ACSM2B: variants seen among roughly 807,000 people sequenced by gnomAD.
ACSM2B encodes the protein acyl-CoA synthetase medium chain family member 2B.
Under a neutral mutation model 78.6 loss-of-function variants are expected in ACSM2B, and 58 were observed. The observed-to-expected ratio is 0.74, with a 90% CI of 0.60 to 0.92. ACSM2B has a LOEUF of 0.92. Among genes scored for constraint, ACSM2B ranks in the 40% least tolerant of loss-of-function variants. The pLI is 0.00. For synonymous variants in ACSM2B, 257 were observed against 256.8 expected, an observed-to-expected ratio of 1.00 and a Z score of -0.01; for missense variants, 688 against 711.2, an observed-to-expected ratio of 0.97 and a Z score of 0.37.
At chr16:20,563,359 T>G (rs1216303408) in intron 2 of ACSM2B, among the ~76,000 whole-genome samples, 1 of 152,296 alleles carries the variant, frequency 6.6e-6, no homozygotes, top group African/African-American at 2.4e-5. Flanking sequence ...ATTCTTGGTT[T>G]CTACAAGCTC....
intron 1 of ACSM2B, among the ~76,000 whole-genome samples, chr16:20,567,758 G>A (rs949207193): frequency 7.2e-6 from 1 of 138,056 alleles, no homozygotes; most frequent in African/African-American, 2.7e-5. Context: ...TAATAGTATA[G>A]TGTATATACA....
At position 20,539,041 on chromosome 16, in the gene ACSM2B, C is replaced by T. The variant is rs574290687; in HGVS notation, c.1629+1613G>A. Among the ~76,000 whole-genome samples the T allele has an allele frequency of 2.1e-3, 320 of 152,148 alleles. 2 individuals carry two copies. Among genetic ancestry groups the T allele is most frequent in the Non-Finnish European group, 3.7e-3 (249 of 67,968 alleles). ...ACATCCATACCTGATCCACCTGTGA[C>T]CGTAAAGACCCCCTTCCCTTCCTCA... On this transcript the variant is annotated intron_variant, in intron 13 of 13. Transcript: ENST00000329697.
rs114264488 is a variant in ACSM2B, at chr16:20,557,017, G to A, written c.389-1541C>T. Among the ~76,000 whole-genome samples, 963 of 152,102 alleles carry A rather than the reference G, an allele frequency of 6.3e-3. 10 individuals are homozygous for A. The highest frequency in any genetic ancestry group is 0.022 in the African/African-American group (895 of 41,466). Reference sequence around the variant, plus strand: ...TCAGCCCATTGTCCCCAGAATATGCGGCGGGTGGGAGCTTTTAGTTGGGAT... The same window carrying A: ...TCAGCCCATTGTCCCCAGAATATGCAGCGGGTGGGAGCTTTTAGTTGGGAT... On this transcript the variant is annotated intron_variant, in intron 3 of 13. Coordinates refer to ENST00000329697, the MANE Select transcript of ACSM2B (RefSeq NM_001105069.2).
intron 9 of ACSM2B, among the ~76,000 whole-genome samples, chr16:20,546,053 G>A (rs568243683): frequency 2.6e-5 from 4 of 152,014 alleles, no homozygotes; most frequent in Non-Finnish European, 5.9e-5. Flanking sequence ...TGAAAAGATC[G>A]TTACCTATAT....
rs1439018436 is a variant in ACSM2B at position 20,574,218 on chromosome 16, T to G, written c.-9+1989A>C. Reference sequence around the variant, plus strand: ...TATAGGCTTTCTGCAAGAAGAAAAATATGGCTCTATTCTGCCCGACCCCGC... The same window carrying G: ...TATAGGCTTTCTGCAAGAAGAAAAAGATGGCTCTATTCTGCCCGACCCCGC... On this transcript the variant is annotated intron_variant, in intron 1 of 13. Transcript: ENST00000329697. 5 of 152,100 alleles carry G rather than the reference T, an allele frequency of 3.3e-5. No homozygotes were observed. In the South Asian group the frequency reaches 1.0e-3, roughly 32 times the overall value. The allele number at this position is 152,100 out of a possible 1,614,324, so 9.4% of individuals were successfully genotyped here. A position where few individuals can be genotyped will look rare whatever the true frequency, so the allele number is the denominator to read the frequency against.
In ACSM2B at chr16:20,543,999, G is replaced by T. The variant is rs955512401; in HGVS notation, c.1282-737C>A. ...AGGTAGAACTGAGACCAGAAGCCAGGGTTCTTGGCTACTGGATTGACTTTC... is the reference window on the plus strand; with the variant it reads ...AGGTAGAACTGAGACCAGAAGCCAGTGTTCTTGGCTACTGGATTGACTTTC... On this transcript the variant is annotated intron_variant, in intron 10 of 13. Transcript: ENST00000329697. 5.9e-5 allele frequency among the ~76,000 whole-genome samples: 9 copies of T among 152,186 alleles called. 1 individual carries two copies. Among genetic ancestry groups the T allele is most frequent in the South Asian group, 2.1e-4 (1 of 4,834 alleles).
rs371530256 is a variant in ACSM2B, at chr16:20,538,458, C to A, written c.1630-1096G>T. Among the ~76,000 whole-genome samples the A allele has an allele frequency of 2.2e-4, 33 of 152,198 alleles. 1 individual carries two copies. In the South Asian group the frequency reaches 6.6e-3, roughly 31 times the overall value. ...GCCTACAATATTTACTATTTGGGCC[C>A]CAAAGGGTAGATAGAGAGTGGATGA... is the stretch of plus-strand genomic sequence containing the variant. On this transcript the variant is annotated intron_variant, in intron 13 of 13. Coordinates refer to ENST00000329697, the MANE Select transcript of ACSM2B (RefSeq NM_001105069.2).
At chr16:20,557,467 C>T (rs1323935663) in intron 3 of ACSM2B, among the ~76,000 whole-genome samples, 5 of 152,130 alleles carry the variant, frequency 3.3e-5, no homozygotes, top group Non-Finnish European at 7.3e-5. Context: ...CAAACTGAAG[C>T]CATCACTAAC....
chr16:20,560,548 A>T (rs1391017652), intron 2 of ACSM2B, among the ~76,000 whole-genome samples: 1 of 152,074 alleles, frequency 6.6e-6, no homozygotes, highest in African/African-American at 2.4e-5. Context: ...CACTTCCTGT[A>T]CACTGTGCAG....
intron 1 of ACSM2B, among the ~76,000 whole-genome samples, chr16:20,565,983 C>T (rs973778918): frequency 4.0e-5 from 6 of 151,008 alleles, no homozygotes; most frequent in Admixed American, 2.0e-4. Flanking sequence ...CAGGTTGCTG[C>T]GAATGCCATT....
At chr16:20,558,082 T>C (rs1466093721) in intron 3 of ACSM2B, among the ~76,000 whole-genome samples, 4 of 152,208 alleles carry the variant, frequency 2.6e-5, no homozygotes, top group South Asian at 4.1e-4. Context: ...TCAGGAGTCA[T>C]GGAGCCAGAG....
intron 6 of ACSM2B, among the ~76,000 whole-genome samples, chr16:20,551,283 A>G (rs1567209780): frequency 6.6e-6 from 1 of 152,020 alleles, no homozygotes; most frequent in South Asian, 2.1e-4. Flanking sequence ...TCTGATATGA[A>G]TTGGATGTTG....
rs750164112 is a variant in ACSM2B, at chr16:20,542,967, G to A, written c.1456C>T (p.Pro486Ser). The A allele has an allele frequency of 2.5e-5, 40 of 1,613,504 alleles. No individual in the cohort carries two copies. Among genetic ancestry groups the A allele is most frequent in the Non-Finnish European group, 3.1e-5 (37 of 1,179,852 alleles). Residue 486 changes from proline (P) to serine (S), a missense_variant, in exon 12 of 14, where the codon CCT becomes TCT. By Grantham distance (74) the Pro-to-Ser change is moderately conservative. Coordinates refer to ENST00000329697, the MANE Select transcript of ACSM2B (RefSeq NM_001105069.2). ...SEVENALMKH[P>S]AVVETAVISS... ...ATCACAGCCGTCTCAACCACAGCAGGGTGCTTCATCAGTGCATTCTCTACC... is the reference window on the plus strand; with the variant it reads ...ATCACAGCCGTCTCAACCACAGCAGAGTGCTTCATCAGTGCATTCTCTACC...
chr16:20,550,480 G>A (rs2015278197), intron 6 of ACSM2B, among the ~76,000 whole-genome samples: 1 of 151,992 alleles, frequency 6.6e-6, no homozygotes, highest in Non-Finnish European at 1.5e-5. Context: ...ATAAGTTTAT[G>A]TCTGTTTTCA....
chr16:20,547,931 C>A, intron 8 of ACSM2B, 131 bp downstream of exon 8: 1 of 1,530,984 alleles, frequency 6.5e-7, no homozygotes, highest in South Asian at 1.3e-5. Flanking sequence ...AGTACCTGTC[C>A]CTTCACAGAG....
intron 1 of ACSM2B, among the ~76,000 whole-genome samples, chr16:20,572,647 T>C (rs1329562388): frequency 6.6e-6 from 1 of 150,542 alleles, no homozygotes; most frequent in Non-Finnish European, 1.5e-5. Context: ...AAAGTTTTCC[T>C]TGATTATTTC....
rs2015048149 is a variant in ACSM2B, at chr16:20,543,221, A to C, written c.1323T>G (p.Phe441Leu). The C allele has an allele frequency of 1.2e-6, 2 of 1,613,772 alleles. No homozygotes were observed. Among genetic ancestry groups the C allele is most frequent in the Non-Finnish European group, 8.5e-7 (1 of 1,179,892 alleles). ...DKTAANIRGD[F>L]WLLGDRGIKD... ...TGATTCCCCGGTCTCCAAGGAGCCAAAAGTCTCCTCGAATGTTGGCTGCTG... is the reference window on the plus strand; with the variant it reads ...TGATTCCCCGGTCTCCAAGGAGCCACAAGTCTCCTCGAATGTTGGCTGCTG... Residue 441 changes from phenylalanine (F) to leucine (L), a missense_variant, in exon 11 of 14, where the codon TTT becomes TTG. Coordinates refer to ENST00000329697, the MANE Select transcript of ACSM2B (RefSeq NM_001105069.2).
chr16:20,559,134 G>T (rs958703513), intron 3 of ACSM2B, 103 bp downstream of exon 3: 3 of 1,476,466 alleles, frequency 2.0e-6, no homozygotes, highest in African/African-American at 1.4e-5. Context: ...AGGACAGCAT[G>T]CTCCAAGGCA....
chr16:20,537,827 G>C (rs150361906), intron 13 of ACSM2B, among the ~76,000 whole-genome samples: 14 of 152,296 alleles, frequency 9.2e-5, no homozygotes, highest in African/African-American at 2.6e-4. Context: ...AAAAATAATA[G>C]CTGTGGTTAT....
Sources: gnomAD v4.1 joint callset for allele counts (sites outside exome capture counted in the v4.1 genomes callset) on GRCh38, gnomAD v4.1.1 for gene constraint, MANE v1.5 for transcripts, NCBI Gene and HGNC (gene_info 2026-07-23, HGNC 2026-07-21) for gene names.